The following INAVA variants were observed in gnomAD, a reference collection of about 807,000 sequenced individuals.
The protein encoded by INAVA is innate immunity activator protein.
A neutral mutation model predicts 55.3 loss-of-function variants in INAVA; 32 were observed. The observed-to-expected ratio is 0.58, with a 90% CI of 0.44 to 0.78. The LOEUF is 0.78. Ranked by LOEUF, INAVA falls within the 30% of genes least tolerant of loss-of-function variation. The pLI is 0.00. For synonymous variants in INAVA, 294 were observed against 329.4 expected (o/e 0.89, Z 1.16); for missense variants, 756 against 786.4 (o/e 0.96, Z 0.46).
chr1:200,895,708 C>T (rs935091078), intron 1 of INAVA, among the ~76,000 whole-genome samples: 14 of 152,124 alleles, frequency 9.2e-5, no homozygotes, highest in Admixed American at 2.0e-4. Flanking sequence ...TGTGAGGGTC[C>T]GCTATGTGGC....
chr1:200,912,235 A>G (rs76608174), intron 9 of INAVA, 98 bp downstream of exon 9: 7 of 1,140,386 alleles, frequency 6.1e-6, no homozygotes, highest in Non-Finnish European at 8.4e-6. Flanking sequence ...AGAGGCATCA[A>G]AGCAGCAACC....
At chr1:200,894,690 C>A, upstream of INAVA, 2 of 652,788 alleles carry the variant, frequency 3.1e-6, no homozygotes, top group Non-Finnish European at 3.8e-6. Context: ...TCTCTTGAGG[C>A]CATGAAGACA....
Position 200,908,952 on chromosome 1 carries a change from G to T in INAVA, c.785+12G>T, listed in dbSNP as rs1218577138. The T allele has an allele frequency of 1.9e-6, 3 of 1,609,864 alleles. No homozygotes were observed. The highest frequency in any genetic ancestry group is 8.5e-7 in the Non-Finnish European group (1 of 1,178,152). On this transcript the variant is annotated intron_variant, in intron 7 of 9. Transcript: ENST00000413687. ...TGGAGCGAGTCCAGGTCAGGATCAG[G>T]GGGAAGGGAGAAGGGCAGGGCAGGG...
upstream of INAVA, chr1:200,894,740 G>T (rs1249499283): frequency 7.3e-6 from 7 of 958,982 alleles, no homozygotes; most frequent in East Asian, 8.1e-4. Flanking sequence ...TCCTCCATGG[G>T]AGCCCCTTTT....
chr1:200,907,480 A>C (rs376037519), intron 5 of INAVA, among the ~76,000 whole-genome samples: 1 of 151,746 alleles, frequency 6.6e-6, no homozygotes, highest in Non-Finnish European at 1.5e-5. Context: ...AGACAGCAAG[A>C]CCTCTTCTCT....
chr1:200,894,290 A>G (rs185249862), upstream of INAVA, among the ~76,000 whole-genome samples: 293 of 152,216 alleles, frequency 1.9e-3, 4 homozygotes, highest in African/African-American at 6.7e-3. Context: ...GTAAATAATC[A>G]ACAGAGAAGT....
At chr1:200,895,114 C>G in intron 1 of INAVA, 27 bp downstream of exon 1, 1 of 985,726 alleles carries the variant, frequency 1.0e-6, no homozygotes, top group African/African-American at 1.7e-5. Context: ...TGGAATGGGT[C>G]TTTGGGGCTG....
intron 6 of INAVA, 102 bp downstream of exon 6, chr1:200,907,989 G>T: frequency 1.1e-6 from 1 of 940,156 alleles, no homozygotes; most frequent in African/African-American, 1.6e-5. Flanking sequence ...GGGAGTGAAG[G>T]CTAGGGTGCC....
upstream of INAVA, among the ~76,000 whole-genome samples, chr1:200,893,087 T>C (rs1558225075): frequency 6.6e-6 from 1 of 152,214 alleles, no homozygotes; most frequent in Non-Finnish European, 1.5e-5. Context: ...TAACAGATTT[T>C]AACATCACCT....
intron 3 of INAVA, 102 bp downstream of exon 3, chr1:200,899,699 G>A (rs1653147458): frequency 2.1e-5 from 32 of 1,491,168 alleles, no homozygotes; most frequent in South Asian, 3.9e-5. Context: ...CCATTCTTGA[G>A]GGAATTCTGG....
chr1:200,893,193 C>A (rs1409234743), upstream of INAVA, among the ~76,000 whole-genome samples: 2 of 152,186 alleles, frequency 1.3e-5, no homozygotes, highest in African/African-American at 4.8e-5. Flanking sequence ...GCAGTCACAG[C>A]AGTCTTGAAA....
At chr1:200,910,111 G>C (rs1653653809) in intron 8 of INAVA, among the ~76,000 whole-genome samples, 1 of 152,106 alleles carries the variant, frequency 6.6e-6, no homozygotes, top group African/African-American at 2.4e-5. Flanking sequence ...TTAAACAGCA[G>C]AATCACTAAT....
At chr1:200,908,988 G>A in intron 7 of INAVA, 48 bp downstream of exon 7, 1 of 1,569,562 alleles carries the variant, frequency 6.4e-7, no homozygotes, top group Non-Finnish European at 8.6e-7. Flanking sequence ...CAGGGAGTCG[G>A]TGGGAGCTAT....
upstream of INAVA, among the ~76,000 whole-genome samples, chr1:200,894,451 C>A (rs1316190582): frequency 6.6e-6 from 1 of 152,154 alleles, no homozygotes; most frequent in Non-Finnish European, 1.5e-5. Context: ...AAAACCCAGG[C>A]CTTGGTCTTC....
chr1:200,903,584 C>T (rs928577084), intron 5 of INAVA, among the ~76,000 whole-genome samples: 3 of 151,648 alleles, frequency 2.0e-5, no homozygotes, highest in African/African-American at 7.3e-5. Context: ...GCGGGTGGAT[C>T]ACTTGAGGTC....
At chr1:200,894,686 G>C (rs183702290), upstream of INAVA, 518 of 626,014 alleles carry the variant, frequency 8.3e-4, 1 homozygote, top group Non-Finnish European at 9.9e-4. Flanking sequence ...AGGGTCTCTT[G>C]AGGCCATGAA....
At position 200,901,114 on chromosome 1, in the gene INAVA, C is replaced by T. The variant is rs759408185; in HGVS notation, c.475C>T (p.Arg159Cys). 2.2e-4 allele frequency: 336 copies of T among 1,530,996 alleles called. No individual in the cohort carries two copies. The highest frequency in any genetic ancestry group is 2.8e-4 in the Non-Finnish European group (321 of 1,142,972). The allele number at this position is 1,530,996 out of a possible 1,614,324, so 94.8% of individuals were successfully genotyped here. ...ELQRCLVERRRNSEPPPAAAL... is the reference protein window; with the variant it reads ...ELQRCLVERRCNSEPPPAAAL... ...CCAGCGCTGCCTGGTCGAGCGGCGG[C>T]GCAATAGCGAGCCACCTCCGGCTGC... The change falls in exon 5 of 10, where the codon CGC becomes TGC. Residue 159 changes from arginine (R) to cysteine (C), a missense_variant. Coordinates refer to ENST00000413687, the MANE Select transcript of INAVA (RefSeq NM_001142569.3).
chr1:200,906,890 A>T (rs985555122), intron 5 of INAVA, among the ~76,000 whole-genome samples: 2 of 152,080 alleles, frequency 1.3e-5, no homozygotes, highest in African/African-American at 4.8e-5. Flanking sequence ...CGGTGGTGTG[A>T]TCACGGCTCA....
intron 5 of INAVA, among the ~76,000 whole-genome samples, chr1:200,901,448 C>T (rs1571863921): frequency 1.3e-5 from 2 of 152,342 alleles, no homozygotes; most frequent in East Asian, 3.9e-4. Flanking sequence ...CTCAGCTGAC[C>T]CTGAGCTGAA....
Sources: gnomAD v4.1 joint callset for allele counts (sites outside exome capture counted in the v4.1 genomes callset) on GRCh38, gnomAD v4.1.1 for gene constraint, MANE v1.5 for transcripts, NCBI Gene and HGNC (gene_info 2026-07-23, HGNC 2026-07-21) for gene names.